Variants in SAP30BP observed in about 807,000 individuals in gnomAD.
SAP30BP encodes SAP30-binding protein.
SAP30BP carries 31 observed loss-of-function variants against 46.3 expected under a neutral mutation model. That is an observed-to-expected ratio of 0.67 (90% confidence interval 0.50 to 0.90). The LOEUF (loss-of-function observed/expected upper bound fraction) is 0.90. Among genes scored for constraint, SAP30BP ranks in the 40% least tolerant of loss-of-function variants. The pLI is 0.00. For missense variants in SAP30BP, 312 were observed against 391.0 expected (o/e 0.80, Z 1.70); for synonymous variants, 169 against 144.2 (o/e 1.17, Z -1.23).
chr17:75,706,389 G>C lies in SAP30BP; in HGVS notation c.795G>C (p.Thr265=). 2 of 1,614,024 alleles carry C rather than the reference G, an allele frequency of 1.2e-6. No homozygotes were observed. The highest frequency in any genetic ancestry group is 1.7e-6 in the Non-Finnish European group (2 of 1,180,018). The change falls in exon 11 of 11, where the codon ACG becomes ACC. Residue 265 remains threonine, a synonymous_variant. Transcript: ENST00000584667. This position sits in a 1 kb window ranked among gnomAD's most constrained non-coding sequence, Gnocchi z 4.6. ...SKWDSAIPVT[T]IAQPTILTTT... is the part of the protein sequence containing the mutation. Reference sequence around the variant, plus strand: ...GGGATTCGGCTATCCCAGTGACAACGATAGCCCAGCCCACCATCCTCACCA... The same window carrying C: ...GGGATTCGGCTATCCCAGTGACAACCATAGCCCAGCCCACCATCCTCACCA...
In SAP30BP at chr17:75,702,271, G is replaced by A. The variant is rs369054755; in HGVS notation, c.397-209G>A. 9.2e-5 allele frequency among the ~76,000 whole-genome samples: 14 copies of A among 152,264 alleles called. No homozygotes were observed. The East Asian group carries it at 2.1e-3, about 23-fold the overall frequency. On this transcript the variant is annotated intron_variant, in intron 5 of 10. Coordinates refer to ENST00000584667, the MANE Select transcript of SAP30BP (RefSeq NM_013260.8). ...AATCTCTGGACCTCGTGATCCACCC[G>A]CCTCAGCCTCCCAAAGTTCTGGGAT...
intron 8 of SAP30BP, among the ~76,000 whole-genome samples, chr17:75,704,409 T>C (rs548600970): frequency 2.6e-5 from 4 of 152,348 alleles, no homozygotes; most frequent in African/African-American, 9.6e-5. Flanking sequence ...TTGTCATCTT[T>C]TAATTTGAAT....
chr17:75,674,690 G>GTTTTTTTTTTTTTTTT lies in SAP30BP; in HGVS notation c.264+2833_264+2834insTTTTTTTTTTTTTTTT, dbSNP rs1287087489. On this transcript the variant is annotated intron_variant, in intron 3 of 10. Coordinates refer to ENST00000584667, the MANE Select transcript of SAP30BP (RefSeq NM_013260.8). ...TTAAGCATATGAAGTTTTTTTGTTT[G>GTTTTTTTTTTTTTTTT]TTTTTTGTTTTTTTTTTTTTTTTTT... Among the ~76,000 whole-genome samples, 62 of 39,584 alleles carry GTTTTTTTTTTTTTTTT rather than the reference G, an allele frequency of 1.6e-3. 8 individuals carry two copies. The highest frequency in any genetic ancestry group is 2.9e-3 in the African/African-American group (44 of 15,116). The allele number at this position is 39,584 out of a possible 152,430, so 26.0% of individuals were successfully genotyped here. A position where few individuals can be genotyped will look rare whatever the true frequency, so the allele number is the denominator to read the frequency against.
chr17:75,689,001 T>TGG (rs1028923629), intron 3 of SAP30BP, among the ~76,000 whole-genome samples: 1 of 152,032 alleles, frequency 6.6e-6, no homozygotes, highest in Non-Finnish European at 1.5e-5. Context: ...TAGTCTCAGG[T>TGG]GGGGTCTGGG....
At position 75,702,562 on chromosome 17, in the gene SAP30BP, G is replaced by A. The variant is rs758845704; in HGVS notation, c.479G>A (p.Arg160Gln). The A allele has an allele frequency of 5.3e-6, 8 of 1,514,312 alleles. No homozygotes were observed. Among genetic ancestry groups the A allele is most frequent in the South Asian group, 2.3e-5 (2 of 87,888 alleles). The allele number at this position is 1,514,312 out of a possible 1,614,324, so 93.8% of individuals were successfully genotyped here. The change falls in exon 6 of 11, where the codon CGG becomes CAG. Residue 160 changes from arginine to glutamine, a missense_variant. Physicochemically the swap from Arg to Gln is conservative, Grantham distance 43. Around this residue, in one of 2 missense-constraint regions of SAP30BP, gnomAD observed 296 missense variants for 346.6 expected, o/e 0.85. Coordinates refer to ENST00000584667, the MANE Select transcript of SAP30BP (RefSeq NM_013260.8). The stretch of plus-strand genomic sequence containing the variant: ...ATTATCCAAAGGAAGAAAGAATTTC[G>A]GAACCCTAGGTAAGTTTCCCTTGAG... ...NYIIQRKKEF[R>Q]NPSIYEKLIQ...
In SAP30BP at chr17:75,674,874, T is replaced by A. The variant is rs188089238; in HGVS notation, c.264+3011T>A. 2.7e-4 allele frequency among the ~76,000 whole-genome samples: 41 copies of A among 151,580 alleles called. 1 individual carries two copies. The highest frequency in any genetic ancestry group is 2.5e-3 in the East Asian group (13 of 5,140). ...GTGCATCACACCTAGCAATTTTTTT[T>A]AATTTTTTTGTAGAGGAAAGGTTTT... is the stretch of plus-strand genomic sequence containing the variant. On this transcript the variant is annotated intron_variant, in intron 3 of 10. Coordinates refer to ENST00000584667, the MANE Select transcript of SAP30BP (RefSeq NM_013260.8).
chr17:75,695,673 C>A (rs149574732), intron 4 of SAP30BP, among the ~76,000 whole-genome samples: 1 of 152,240 alleles, frequency 6.6e-6, no homozygotes, highest in Non-Finnish European at 1.5e-5. Context: ...TCTACCTAAG[C>A]TTTTGTCCAC....
chr17:75,706,716 A>C lies in SAP30BP; in HGVS notation c.*195A>C. The C allele has an allele frequency of 1.7e-6, 1 of 596,820 alleles. No homozygotes were observed. Among genetic ancestry groups the C allele is most frequent in the Non-Finnish European group, 3.0e-6 (1 of 336,688 alleles). 37.0% of individuals were successfully genotyped at this position (596,820 alleles called of 1,614,324 possible). On this transcript the variant is annotated 3_prime_UTR_variant, in exon 11 of 11. Coordinates refer to ENST00000584667, the MANE Select transcript of SAP30BP (RefSeq NM_013260.8). The surrounding 1 kb of genome is among the most constrained non-coding windows in gnomAD (Gnocchi z 4.6). The stretch of plus-strand genomic sequence containing the variant: ...CGCTGTGGACAGGGTCTGTCCACGC[A>C]CCACCTGGGGTCTGCCGCCTATTAA...
In SAP30BP at chr17:75,706,554, G is replaced by A. The variant is rs764482018; in HGVS notation, c.*33G>A. ...GGCCACCCTAGGACTTGAAAGGACCGTGCAGCCCAGTGACCACTGCCCAGT... is the reference window on the plus strand; with the variant it reads ...GGCCACCCTAGGACTTGAAAGGACCATGCAGCCCAGTGACCACTGCCCAGT... On this transcript the variant is annotated 3_prime_UTR_variant, in exon 11 of 11. Transcript: ENST00000584667. This position sits in a 1 kb window ranked among gnomAD's most constrained non-coding sequence, Gnocchi z 4.6. 27 of 1,596,964 alleles carry A rather than the reference G, an allele frequency of 1.7e-5. No homozygotes were observed. Among genetic ancestry groups the A allele is most frequent in the South Asian group, 6.6e-5 (6 of 90,436 alleles).
At position 75,703,309 on chromosome 17, in the gene SAP30BP, A is replaced by G. The variant is rs777183082; in HGVS notation, c.489-2A>G. 1 of 1,614,060 alleles carries G rather than the reference A, an allele frequency of 6.2e-7. No homozygotes were observed. The highest frequency in any genetic ancestry group is 8.5e-7 in the Non-Finnish European group (1 of 1,179,982). ...TGCTCAGCGCCGGCACTGTTCTTTC[A>G]GCATCTACGAGAAGCTGATCCAGTT... On this transcript the variant is annotated splice_acceptor_variant, in intron 6 of 10. Transcript: ENST00000584667. LOFTEE classifies it high-confidence loss of function.
intron 3 of SAP30BP, among the ~76,000 whole-genome samples, chr17:75,691,215 G>A (rs115359658): frequency 0.011 from 1,747 of 151,970 alleles, 26 homozygotes; most frequent in African/African-American, 0.04. Context: ...GTACTAAGAG[G>A]GTAGAAAAGC....
chr17:75,694,049 C>G (rs2060278221), intron 4 of SAP30BP, among the ~76,000 whole-genome samples: 1 of 152,188 alleles, frequency 6.6e-6, no homozygotes, highest in Non-Finnish European at 1.5e-5. Flanking sequence ...CAGCTCCTTT[C>G]ACGTGGCTCC....
intron 9 of SAP30BP, 87 bp from the exon 10 acceptor site, chr17:75,705,921 C>G: frequency 6.4e-7 from 1 of 1,573,878 alleles, no homozygotes; most frequent in South Asian, 1.1e-5. Context: ...TAGTGCCAAG[C>G]TCCTGTCCCC....
intron 5 of SAP30BP, among the ~76,000 whole-genome samples, chr17:75,702,229 T>C (rs993934770): frequency 1.3e-5 from 2 of 152,190 alleles, no homozygotes; most frequent in African/African-American, 4.8e-5. Flanking sequence ...TTTCAACATG[T>C]GGGCCAGGAT....
At chr17:75,695,898 G>A (rs1357727706) in intron 4 of SAP30BP, among the ~76,000 whole-genome samples, 1 of 152,188 alleles carries the variant, frequency 6.6e-6, no homozygotes, top group African/African-American at 2.4e-5. Flanking sequence ...CAGTGGTGCT[G>A]GTGTGGCAGT....
rs1480469619 is a variant in SAP30BP, at chr17:75,706,455, C to T, written c.861C>T (p.Ser287=). The T allele has an allele frequency of 9.9e-6, 16 of 1,614,042 alleles. No individual in the cohort carries two copies. The highest frequency in any genetic ancestry group is 2.2e-5 in the South Asian group (2 of 91,086). ...TLPAVVTVTT[S]ASGSKTTVIS... The stretch of plus-strand genomic sequence containing the variant: ...CAGCTGTTGTCACGGTCACCACCAG[C>T]GCCAGCGGCTCCAAGACCACCGTCA... The change falls in exon 11 of 11, where the codon AGC becomes AGT. Residue 287 remains serine, a synonymous_variant. Transcript: ENST00000584667. The surrounding 1 kb of genome is among the most constrained non-coding windows in gnomAD (Gnocchi z 4.6).
chr17:75,698,120 G>A (rs2060349953), intron 4 of SAP30BP, among the ~76,000 whole-genome samples: 1 of 152,240 alleles, frequency 6.6e-6, no homozygotes, highest in Non-Finnish European at 1.5e-5. Flanking sequence ...CATTGTCCCA[G>A]CGATCCAAAG....
At chr17:75,699,753 C>T in intron 4 of SAP30BP, 30 bp from the exon 5 acceptor site, 1 of 1,527,634 alleles carries the variant, frequency 6.5e-7, no homozygotes, top group Non-Finnish European at 9.1e-7. Flanking sequence ...TAATCCCCAC[C>T]TACAGAATTT....
intron 3 of SAP30BP, among the ~76,000 whole-genome samples, chr17:75,687,619 A>G (rs80347157): frequency 1.5e-5 from 2 of 134,160 alleles, no homozygotes; most frequent in South Asian, 2.3e-4. Flanking sequence ...CTGTCTCAGG[A>G]AAAAAAAAAA....
Sources: gnomAD v4.1 joint callset for allele counts (sites outside exome capture counted in the v4.1 genomes callset) on GRCh38, gnomAD v4.1.1 for gene constraint, gnomAD v4.1.1 regional missense constraint, Gnocchi (gnomAD v3.1) non-coding constraint, MANE v1.5 for transcripts, NCBI Gene and HGNC (gene_info 2026-07-23, HGNC 2026-07-21) for gene names.